SRGAP2C: variants seen among roughly 807,000 people sequenced by gnomAD.
The protein encoded by SRGAP2C is SLIT-ROBO Rho GTPase activating protein 2C, also known as SLIT-ROBO Rho GTPase-activating protein 2C.
In SRGAP2C, 15 loss-of-function variants were observed where a neutral mutation model predicts 25.1. The observed-to-expected ratio is 0.60, with a 90% confidence interval of 0.40 to 0.92. The LOEUF (loss-of-function observed/expected upper bound fraction) is 0.92. SRGAP2C is among the 40% of genes least tolerant of loss of function. The pLI, the probability that SRGAP2C is intolerant of heterozygous loss-of-function variation, is 0.00. For missense variants in SRGAP2C, 144 were observed against 264.4 expected, an observed-to-expected ratio of 0.54 and a Z score of 3.16; for synonymous variants, 44 against 96.6, an observed-to-expected ratio of 0.46 and a Z score of 3.19.
intron 2 of SRGAP2C, among the ~76,000 whole-genome samples, chr1:121,282,556 T>C (rs1397454486): frequency 6.6e-6 from 1 of 151,584 alleles, no homozygotes; most frequent in African/African-American, 2.4e-5. Context: ...CTTGGTTCTT[T>C]TTTTTGTTGT....
At chr1:121,217,228 T>C (rs1435936815) in intron 2 of SRGAP2C, among the ~76,000 whole-genome samples, 3 of 151,734 alleles carry the variant, frequency 2.0e-5, no homozygotes, top group Non-Finnish European at 4.4e-5. Context: ...CATCCTCTCA[T>C]TGAGGATCCC....
At chr1:121,362,849 G>A (rs1232855126) in intron 4 of SRGAP2C, 1 of 141,082 alleles carries the variant, frequency 7.1e-6, no homozygotes, top group African/African-American at 2.7e-5. Flanking sequence ...ATTCCCTCTT[G>A]TGGCTTCTTC....
intron 2 of SRGAP2C, among the ~76,000 whole-genome samples, chr1:121,264,483 C>T (rs1344923716): frequency 5.3e-5 from 6 of 112,846 alleles, no homozygotes; most frequent in Non-Finnish European, 1.1e-4. Flanking sequence ...ACCCCTGCTT[C>T]TTTCAACAGT....
chr1:121,198,185 T>C (rs1368777599), intron 2 of SRGAP2C, among the ~76,000 whole-genome samples: 4 of 112,736 alleles, frequency 3.5e-5, no homozygotes, highest in African/African-American at 1.0e-4. Context: ...ACTTGAAATA[T>C]GTATTCGTGA....
intron 2 of SRGAP2C, among the ~76,000 whole-genome samples, chr1:121,238,986 T>TA (rs1165914250): frequency 1.5e-5 from 2 of 132,212 alleles, no homozygotes; most frequent in African/African-American, 5.9e-5. Flanking sequence ...GCAGTGAAGA[T>TA]ACCAGTGGGT....
intron 4 of SRGAP2C, chr1:121,362,622 A>C (rs1415724056): frequency 3.3e-5 from 5 of 152,204 alleles, no homozygotes; most frequent in Admixed American, 3.3e-4. Flanking sequence ...GGAGTTAAGA[A>C]ACGATAGGCT....
intron 2 of SRGAP2C, among the ~76,000 whole-genome samples, chr1:121,249,568 ATATATATATATATTTTT>A (rs1430372842): frequency 9.5e-4 from 35 of 36,898 alleles, no homozygotes; most frequent in African/African-American, 3.7e-3. Context: ...ATATATATAT[ATATATATATATATTTTT>A]TTTTTTTTTT....
intron 2 of SRGAP2C, among the ~76,000 whole-genome samples, chr1:121,215,973 T>A (rs1217294026): frequency 6.6e-6 from 1 of 152,086 alleles, no homozygotes; most frequent in Non-Finnish European, 1.5e-5. Flanking sequence ...GCTGCATACC[T>A]CAGCTTGATG....
chr1:121,326,512 G>T (rs1322511655), intron 4 of SRGAP2C, among the ~76,000 whole-genome samples: 2 of 80,730 alleles, frequency 2.5e-5, no homozygotes, highest in Non-Finnish European at 4.8e-5. Flanking sequence ...ATTCGTCTGT[G>T]AATGATATTC....
At position 121,391,152 on chromosome 1, in the gene SRGAP2C, A is replaced by T. The variant is rs1570845264; in HGVS notation, c.*3297A>T. 6.6e-6 allele frequency: 1 copy of T among 152,058 alleles called. No homozygotes were observed. The highest frequency in any genetic ancestry group is 2.4e-5 in the African/African-American group (1 of 41,476). The allele number at this position is 152,058 out of a possible 1,614,324, so 9.4% of individuals were successfully genotyped here. ...GGCGGGTGGATCACCTGAGGTCGGG[A>T]GTTTGAGACCAGCCTGATCAACATG... On this transcript the variant is annotated 3_prime_UTR_variant, in exon 10 of 10. Transcript: ENST00000367123.
chr1:121,195,271 G>A (rs1246740069), intron 2 of SRGAP2C, among the ~76,000 whole-genome samples: 17 of 152,120 alleles, frequency 1.1e-4, no homozygotes, highest in African/African-American at 2.9e-4. Flanking sequence ...TTAGTTGGGC[G>A]TGGTGGTGGG....
chr1:121,367,918 C>CA (rs1166311511), intron 5 of SRGAP2C, among the ~76,000 whole-genome samples: 12 of 131,184 alleles, frequency 9.1e-5, no homozygotes, highest in East Asian at 2.4e-4. Context: ...ACTAAAAATA[C>CA]AAAAAAAATT....
intron 2 of SRGAP2C, among the ~76,000 whole-genome samples, chr1:121,260,230 A>C (rs1553333288): frequency 6.6e-6 from 1 of 150,600 alleles, no homozygotes; most frequent in African/African-American, 2.4e-5. Context: ...AATAGGTCAC[A>C]TTTGTGCAAA....
intron 2 of SRGAP2C, among the ~76,000 whole-genome samples, chr1:121,199,737 G>A (rs1290896074): frequency 6.9e-6 from 1 of 144,246 alleles, no homozygotes; most frequent in African/African-American, 2.6e-5. Flanking sequence ...GGAGGTTGCA[G>A]TGAGCCCAGA....
chr1:121,366,251 G>T (rs587754966), intron 5 of SRGAP2C, among the ~76,000 whole-genome samples: 3 of 149,242 alleles, frequency 2.0e-5, no homozygotes, highest in Non-Finnish European at 4.4e-5. Flanking sequence ...ATGTTTACTT[G>T]CTTATTTGCT....
chr1:121,378,525 C>A (rs1553353980), intron 7 of SRGAP2C, among the ~76,000 whole-genome samples: 1 of 150,084 alleles, frequency 6.7e-6, no homozygotes, highest in East Asian at 2.0e-4. Context: ...TGAATTTCAT[C>A]CATGTTGTTT....
chr1:121,370,591 G>A (rs1219301797), intron 5 of SRGAP2C, among the ~76,000 whole-genome samples: 3 of 150,064 alleles, frequency 2.0e-5, no homozygotes, highest in African/African-American at 4.9e-5. Flanking sequence ...ACAGGCACCC[G>A]CCACCACGCC....
rs1553358192 is a variant in SRGAP2C, at chr1:121,392,124, G to A, written c.*4269G>A. 1 of 152,014 alleles carries A rather than the reference G, an allele frequency of 6.6e-6. No homozygotes were observed. The highest frequency in any genetic ancestry group is 2.4e-5 in the African/African-American group (1 of 41,392). The allele number at this position is 152,014 out of a possible 1,614,324, so 9.4% of individuals were successfully genotyped here. ...GCCATGAACTTGAAGAGAAGAAAAT[G>A]GAAAATACTGTCTCTGAGAAACAGA... On this transcript the variant is annotated 3_prime_UTR_variant, in exon 10 of 10. Transcript: ENST00000367123.
chr1:121,315,243 A>T (rs1658071022), intron 3 of SRGAP2C, among the ~76,000 whole-genome samples: 1 of 151,998 alleles, frequency 6.6e-6, no homozygotes, highest in Non-Finnish European at 1.5e-5. Flanking sequence ...TCCTGGGCTC[A>T]CGCGATCTTC....
Sources: allele counts gnomAD v4.1 joint callset (sites outside exome capture counted in the v4.1 genomes callset), GRCh38; gene constraint gnomAD v4.1.1; transcripts MANE v1.5; gene names NCBI Gene and HGNC (gene_info 2026-07-23, HGNC 2026-07-21).